Variants in TMTC1 observed in about 807,000 individuals in gnomAD.
The protein encoded by TMTC1 is transmembrane O-mannosyltransferase targeting cadherins 1, also known as protein O-mannosyl-transferase TMTC1.
In TMTC1, 73 loss-of-function variants were observed where a neutral mutation model predicts 104.8. The ratio of observed to expected loss-of-function variants is 0.70; its 90% confidence interval spans 0.58 to 0.85. The LOEUF is 0.85. Among genes scored for constraint, TMTC1 ranks in the 40% least tolerant of loss-of-function variants. The pLI is 0.00. For synonymous variants in TMTC1, 434 were observed against 428.7 expected, an observed-to-expected ratio of 1.01 and a Z score of -0.15; for missense variants, 1,035 against 1,096.1, an observed-to-expected ratio of 0.94 and a Z score of 0.79.
chr12:29,745,612 C>A, intron 5 of TMTC1, among the ~76,000 whole-genome samples: 1 of 60,434 alleles, frequency 1.7e-5, no homozygotes, highest in Non-Finnish European at 3.4e-5. Context: ...CAGAGCGAGA[C>A]TCAATCAAAA....
intron 2 of TMTC1, among the ~76,000 whole-genome samples, chr12:29,763,484 C>G (rs1943397592): frequency 6.6e-6 from 1 of 152,212 alleles, no homozygotes; most frequent in Admixed American, 6.5e-5. Flanking sequence ...CTCCAGTTAA[C>G]AAACATTTTC....
intron 11 of TMTC1, among the ~76,000 whole-genome samples, chr12:29,527,340 A>C (rs1565646978): frequency 6.6e-6 from 1 of 152,270 alleles, no homozygotes; most frequent in Non-Finnish European, 1.5e-5. Context: ...ACAGTGAAAC[A>C]GAACAGTGAG....
chr12:29,773,933 G>A (rs980427391), intron 1 of TMTC1, among the ~76,000 whole-genome samples: 4 of 152,094 alleles, frequency 2.6e-5, no homozygotes, highest in South Asian at 2.1e-4. Flanking sequence ...AGAGCTTCTC[G>A]AAGTTGCAGG....
chr12:29,557,088 C>T, intron 9 of TMTC1, 88 bp from the exon 10 acceptor site: 2 of 1,434,692 alleles, frequency 1.4e-6, no homozygotes, highest in African/African-American at 1.4e-5. Context: ...CAAGTATGAA[C>T]AGCCAAAATG....
intron 11 of TMTC1, chr12:29,532,482 A>AT (rs1434467331): frequency 6.6e-6 from 1 of 152,222 alleles, no homozygotes; most frequent in Non-Finnish European, 1.5e-5. Flanking sequence ...TTAACCATAT[A>AT]TTACAGCAAA....
chr12:29,632,440 C>T (rs951159013), intron 6 of TMTC1, among the ~76,000 whole-genome samples: 4 of 152,244 alleles, frequency 2.6e-5, no homozygotes, highest in South Asian at 2.1e-4. Context: ...CCTGTGATAG[C>T]GAGTTAGTTC....
intron 5 of TMTC1, among the ~76,000 whole-genome samples, chr12:29,643,916 AATAT>A (rs1228323711): frequency 1.8e-5 from 2 of 108,252 alleles, no homozygotes; most frequent in Admixed American, 1.4e-4. Flanking sequence ...ATTATATATA[AATAT>A]ATATAAATAA....
intron 6 of TMTC1, among the ~76,000 whole-genome samples, chr12:29,610,584 A>C (rs1186849765): frequency 6.6e-6 from 1 of 152,184 alleles, no homozygotes; most frequent in Non-Finnish European, 1.5e-5. Flanking sequence ...CTTATGGGTA[A>C]AAAGAGTAAG....
intron 5 of TMTC1, among the ~76,000 whole-genome samples, chr12:29,643,166 G>A (rs959215810): frequency 6.6e-6 from 1 of 151,808 alleles, no homozygotes; most frequent in African/African-American, 2.4e-5. Flanking sequence ...TGGATGTGGT[G>A]AACAGGGAAC....
At chr12:29,659,815 G>A in intron 5 of TMTC1, 1 of 1,241,222 alleles carries the variant, frequency 8.1e-7, no homozygotes, top group Non-Finnish European at 1.1e-6. Context: ...AAGTCAGCCT[G>A]TAATTTAAGA....
chr12:29,686,518 T>C (rs1941098797), intron 5 of TMTC1, among the ~76,000 whole-genome samples: 2 of 152,174 alleles, frequency 1.3e-5, no homozygotes, highest in South Asian at 4.1e-4. Context: ...GCTACCCATA[T>C]GACATTACTG....
intron 5 of TMTC1, among the ~76,000 whole-genome samples, chr12:29,693,347 T>C (rs1941320371): frequency 6.9e-6 from 1 of 144,836 alleles, no homozygotes; most frequent in Non-Finnish European, 1.5e-5. Flanking sequence ...ATCTCAAACA[T>C]TTATCTTTTC....
intron 1 of TMTC1, among the ~76,000 whole-genome samples, chr12:29,774,317 A>G (rs1267369301): frequency 1.3e-5 from 2 of 152,162 alleles, no homozygotes; most frequent in East Asian, 3.9e-4. Context: ...AAGTCAGGTG[A>G]TACTCAGAAC....
chr12:29,673,370 AAT>A (rs1243164449), intron 5 of TMTC1, among the ~76,000 whole-genome samples: 3 of 152,230 alleles, frequency 2.0e-5, no homozygotes, highest in African/African-American at 7.2e-5. Context: ...TCAGCATGTC[AAT>A]GTTTGTGTAA....
At chr12:29,590,531 A>T (rs371742556) in intron 7 of TMTC1, among the ~76,000 whole-genome samples, 30 of 152,292 alleles carry the variant, frequency 2.0e-4, no homozygotes, top group African/African-American at 4.3e-4. Context: ...TCATGCCTGT[A>T]ATCCCAGCAC....
chr12:29,647,425 CAATAT>C (rs887108882), intron 5 of TMTC1, among the ~76,000 whole-genome samples: 1 of 152,126 alleles, frequency 6.6e-6, no homozygotes, highest in Non-Finnish European at 1.5e-5. Flanking sequence ...TTTAAACACA[CAATAT>C]ATTATTTTAC....
At chr12:29,671,634 A>C (rs1940522654) in intron 5 of TMTC1, among the ~76,000 whole-genome samples, 1 of 152,214 alleles carries the variant, frequency 6.6e-6, no homozygotes, top group Non-Finnish European at 1.5e-5. Context: ...TGAGGTGTAA[A>C]AAAGTGAATT....
chr12:29,713,020 T>C (rs761707938), intron 5 of TMTC1, among the ~76,000 whole-genome samples: 3 of 151,704 alleles, frequency 2.0e-5, no homozygotes, highest in Non-Finnish European at 4.4e-5. Context: ...GTAGATGGAG[T>C]GAAATGGTTC....
rs35343129 is a variant in TMTC1, at chr12:29,558,273, C to T, written c.1533-1273G>A. Reference sequence around the variant, plus strand: ...TTTTAATGTAGAAATGCCAAGATAACGCCCAAGTAATAAAAACGGGATCTG... The same window carrying T: ...TTTTAATGTAGAAATGCCAAGATAATGCCCAAGTAATAAAAACGGGATCTG... On this transcript the variant is annotated intron_variant, in intron 9 of 17. Transcript: ENST00000539277. 9.5e-3 allele frequency among the ~76,000 whole-genome samples: 1,447 copies of T among 152,212 alleles called. 16 individuals are homozygous for T. Among genetic ancestry groups the T allele is most frequent in the South Asian group, 0.037 (180 of 4,818 alleles).
Sources: allele counts gnomAD v4.1 joint callset (sites outside exome capture counted in the v4.1 genomes callset), GRCh38; gene constraint gnomAD v4.1.1; transcripts MANE v1.5; gene names NCBI Gene and HGNC (gene_info 2026-07-23, HGNC 2026-07-21).